The following RGS7 variants were observed in gnomAD, a reference collection of about 807,000 sequenced individuals.
RGS7 encodes the protein regulator of G protein signaling 7.
A neutral mutation model predicts 81.1 loss-of-function variants in RGS7; 27 were observed. The observed-to-expected ratio is 0.33, with a 90% CI of 0.25 to 0.46. The LOEUF (loss-of-function observed/expected upper bound fraction) is 0.46, where lower values mean the gene tolerates loss of function less well. Ranked by LOEUF, RGS7 falls within the 20% of genes least tolerant of loss-of-function variation. The probability of loss-of-function intolerance (pLI) is 1.00; values close to 1 mark genes in which losing one functional copy is unlikely to be tolerated. For missense variants in RGS7, 396 were observed against 607.4 expected (o/e 0.65, Z 3.66); for synonymous variants, 208 against 207.7 (o/e 1.00, Z -0.01).
intron 4 of RGS7, among the ~76,000 whole-genome samples, chr1:240,948,987 AC>A (rs1367474803): frequency 6.6e-6 from 1 of 152,008 alleles, no homozygotes; most frequent in Non-Finnish European, 1.5e-5. Flanking sequence ...CTTTAATTTG[AC>A]TTAACTGGAG....
At chr1:241,077,997 C>T (rs936434923) in intron 3 of RGS7, among the ~76,000 whole-genome samples, 1 of 151,760 alleles carries the variant, frequency 6.6e-6, no homozygotes, top group African/African-American at 2.4e-5. Context: ...ACACAGACCA[C>T]TGACTTATTG....
At chr1:240,891,201 T>TGGGC (rs1668237983) in intron 6 of RGS7, among the ~76,000 whole-genome samples, 1 of 151,830 alleles carries the variant, frequency 6.6e-6, no homozygotes, top group East Asian at 1.9e-4. Context: ...CCAGCATCAC[T>TGGGC]GGGGGGGTGG....
intron 2 of RGS7, among the ~76,000 whole-genome samples, chr1:241,211,514 GT>G (rs1176303837): frequency 7.9e-5 from 12 of 152,260 alleles, no homozygotes; most frequent in Non-Finnish European, 1.2e-4. Context: ...TCCTTTAAGT[GT>G]CCTCTGTACC....
At chr1:241,040,165 A>T (rs2060537770) in intron 3 of RGS7, among the ~76,000 whole-genome samples, 1 of 152,188 alleles carries the variant, frequency 6.6e-6, no homozygotes, top group Non-Finnish European at 1.5e-5. Flanking sequence ...TCTCCTTTAG[A>T]CCCCTCTCAG....
At chr1:241,339,136 G>A (rs536873729) in intron 2 of RGS7, among the ~76,000 whole-genome samples, 38 of 152,290 alleles carry the variant, frequency 2.5e-4, no homozygotes, top group African/African-American at 9.1e-4. Flanking sequence ...AGAACATGCA[G>A]TGTTTAGTTT....
At chr1:241,174,530 T>C (rs748334229) in intron 2 of RGS7, among the ~76,000 whole-genome samples, 10 of 152,238 alleles carry the variant, frequency 6.6e-5, no homozygotes, top group Non-Finnish European at 1.5e-4. Flanking sequence ...TTTAAAGATC[T>C]CAACTCAATC....
intron 2 of RGS7, among the ~76,000 whole-genome samples, chr1:241,211,361 T>A (rs2074232176): frequency 6.6e-6 from 1 of 152,192 alleles, no homozygotes; most frequent in African/African-American, 2.4e-5. Context: ...TCTCATATTA[T>A]GTGGGAACCA....
intron 2 of RGS7, among the ~76,000 whole-genome samples, chr1:241,134,251 G>A (rs575141039): frequency 3.3e-5 from 5 of 152,094 alleles, no homozygotes; most frequent in Non-Finnish European, 7.4e-5. Flanking sequence ...AAGATCTGTC[G>A]GGCAGTGCTG....
Position 240,992,436 on chromosome 1 carries a change from A to G in RGS7, c.176-9307T>C, listed in dbSNP as rs187261548. 1.4e-3 allele frequency among the ~76,000 whole-genome samples: 206 copies of G among 152,072 alleles called. 1 individual carries two copies. Among genetic ancestry groups the G allele is most frequent in the African/African-American group, 4.8e-3 (199 of 41,478 alleles). On this transcript the variant is annotated intron_variant, in intron 3 of 18. Coordinates refer to ENST00000440928, the MANE Select transcript of RGS7 (RefSeq NM_001364886.1). ...GGAGAATCACTTGAACCTGGGAGGC[A>G]GAGGTTGCAGTGAGCCAAGATCACG...
intron 4 of RGS7, among the ~76,000 whole-genome samples, chr1:240,942,015 A>C (rs1197619394): frequency 6.6e-6 from 1 of 152,054 alleles, no homozygotes; most frequent in Non-Finnish European, 1.5e-5. Context: ...TTTTGTTTGG[A>C]TATTCAAGCC....
intron 3 of RGS7, among the ~76,000 whole-genome samples, chr1:241,009,223 G>A (rs2058836526): frequency 6.6e-6 from 1 of 152,076 alleles, no homozygotes; most frequent in Non-Finnish European, 1.5e-5. Flanking sequence ...AAAACAAGCT[G>A]TAACTAATCA....
At chr1:241,338,229 G>C (rs2082349009) in intron 2 of RGS7, among the ~76,000 whole-genome samples, 1 of 152,142 alleles carries the variant, frequency 6.6e-6, no homozygotes, top group Non-Finnish European at 1.5e-5. Flanking sequence ...TTCCACCAAA[G>C]ATAGTACCGA....
At chr1:240,977,375 TTA>T (rs923619851) in intron 4 of RGS7, among the ~76,000 whole-genome samples, 25 of 151,896 alleles carry the variant, frequency 1.6e-4, no homozygotes, top group African/African-American at 5.6e-4. Context: ...TGCATGTGAA[TTA>T]TATATATATA....
intron 4 of RGS7, among the ~76,000 whole-genome samples, chr1:240,944,282 G>GTGTGTGTGTATATA (rs1352421845): frequency 1.8e-5 from 1 of 55,820 alleles, no homozygotes; most frequent in Non-Finnish European, 3.1e-5. Context: ...GTGTGTGTGT[G>GTGTGTGTGTATATA]TATATATATA....
intron 3 of RGS7, among the ~76,000 whole-genome samples, chr1:241,035,773 A>C (rs980898133): frequency 2.0e-5 from 3 of 152,170 alleles, no homozygotes; most frequent in African/African-American, 7.2e-5. Context: ...ACAGTTATCG[A>C]ATGCTTACTG....
At chr1:240,851,052 G>A (rs1660011658) in intron 9 of RGS7, among the ~76,000 whole-genome samples, 1 of 152,212 alleles carries the variant, frequency 6.6e-6, no homozygotes, top group South Asian at 2.1e-4. Context: ...TCCAGATCTA[G>A]CTAAGATAGT....
At chr1:240,779,010 A>G (rs1407613905) in intron 18 of RGS7, among the ~76,000 whole-genome samples, 3 of 151,496 alleles carry the variant, frequency 2.0e-5, no homozygotes, top group Admixed American at 2.0e-4. Flanking sequence ...TTGAAAGCTT[A>G]CTCCCCAGTG....
chr1:240,824,351 T>C (rs558176096), intron 10 of RGS7, among the ~76,000 whole-genome samples: 2 of 152,374 alleles, frequency 1.3e-5, no homozygotes, highest in East Asian at 1.9e-4. Context: ...ACGAGCATTA[T>C]CTGCTTTCAA....
At chr1:240,987,234 T>G (rs1174662573) in intron 3 of RGS7, among the ~76,000 whole-genome samples, 1 of 152,224 alleles carries the variant, frequency 6.6e-6, no homozygotes, top group Non-Finnish European at 1.5e-5. Flanking sequence ...ATAGAACACA[T>G]TTGATTTGCA....
Sources: gnomAD v4.1 joint callset for allele counts (sites outside exome capture counted in the v4.1 genomes callset) on GRCh38, gnomAD v4.1.1 for gene constraint, MANE v1.5 for transcripts, NCBI Gene and HGNC (gene_info 2026-07-23, HGNC 2026-07-21) for gene names.